Variants in XNDC1N observed in about 807,000 individuals in gnomAD.
XNDC1N encodes the protein protein XNDC1N.
At chr11:71,892,889 G>T in the XNDC1N span, among the ~76,000 whole-genome samples, 6,774 of 152,044 alleles carry the variant, frequency 0.045, 523 homozygotes, top group African/African-American at 0.16. Flanking sequence ...CTTTTATGAA[G>T]AAATGATGTC....
At chr11:71,888,476 C>G in the XNDC1N span, among the ~76,000 whole-genome samples, 1 of 152,142 alleles carries the variant, frequency 6.6e-6, no homozygotes, top group Admixed American at 6.5e-5. Context: ...TAAAGGAAAA[C>G]CTCTGGCAGC....
chr11:71,898,134 C>A, the XNDC1N span, among the ~76,000 whole-genome samples: 4 of 150,972 alleles, frequency 2.6e-5, no homozygotes, highest in South Asian at 2.1e-4. Flanking sequence ...GAGTGAGCCC[C>A]GATTGTGCCA....
chr11:71,893,512 C>T, the XNDC1N span: 1 of 787,356 alleles, frequency 1.3e-6, no homozygotes, highest in Non-Finnish European at 2.3e-6. Flanking sequence ...CCTCCTGGGA[C>T]TCTCAGAGGA....
the XNDC1N span, among the ~76,000 whole-genome samples, chr11:71,900,736 C>A: frequency 7.2e-5 from 11 of 152,328 alleles, no homozygotes; most frequent in African/African-American, 2.6e-4. Flanking sequence ...TCCTAAAGGC[C>A]AGGCTCTGAG....
At chr11:71,904,649 G>A in the XNDC1N span, among the ~76,000 whole-genome samples, 8 of 151,994 alleles carry the variant, frequency 5.3e-5, no homozygotes, top group South Asian at 2.1e-4. Flanking sequence ...GACCTTTTGC[G>A]CACACTTTGT....
At chr11:71,893,497 T>G in the XNDC1N span, 2 of 763,720 alleles carry the variant, frequency 2.6e-6, no homozygotes, top group Non-Finnish European at 4.8e-6. Context: ...TGTCTGAGAA[T>G]TCCTCCTCCT....
At chr11:71,916,070 A>G in the XNDC1N span, 1 of 702,006 alleles carries the variant, frequency 1.4e-6, no homozygotes, top group East Asian at 2.7e-5. Flanking sequence ...ATCATCATAC[A>G]TACCTTGTTC....
the XNDC1N span, among the ~76,000 whole-genome samples, chr11:71,914,081 C>T: frequency 1.6e-4 from 25 of 152,308 alleles, no homozygotes; most frequent in African/African-American, 4.6e-4. Context: ...TTCATGCCTA[C>T]GAACGTAACA....
chr11:71,918,923 T>C, the XNDC1N span: 1 of 702,992 alleles, frequency 1.4e-6, no homozygotes, highest in African/African-American at 1.7e-5. Flanking sequence ...CCTCTCCAGC[T>C]GTAGTTCTAC....
chr11:71,910,679 G>A, the XNDC1N span, among the ~76,000 whole-genome samples: 8 of 152,176 alleles, frequency 5.3e-5, no homozygotes, highest in Non-Finnish European at 8.8e-5. Context: ...TACGTTACCT[G>A]GGATTTACTA....
chr11:71,927,973 C>G, the XNDC1N span: 2 of 156,166 alleles, frequency 1.3e-5, no homozygotes, highest in South Asian at 3.5e-4. Context: ...CAGACAGATC[C>G]AGGCGGACGC....
the XNDC1N span, among the ~76,000 whole-genome samples, chr11:71,866,505 G>A: frequency 6.6e-6 from 1 of 152,172 alleles, no homozygotes; most frequent in Non-Finnish European, 1.5e-5. Flanking sequence ...AGGCAGGCTG[G>A]ACACAGTGGC....
the XNDC1N span, chr11:71,916,456 T>C: frequency 3.6e-6 from 2 of 561,726 alleles, no homozygotes; most frequent in South Asian, 4.5e-5. Flanking sequence ...CTTCTCATAT[T>C]CAGTCTCTTG....
the XNDC1N span, among the ~76,000 whole-genome samples, chr11:71,910,017 G>A: frequency 1.2e-3 from 188 of 152,298 alleles, no homozygotes; most frequent in African/African-American, 3.8e-3. Flanking sequence ...ACAACTCTCC[G>A]GGATTGGCCA....
At chr11:71,871,759 G>C in the XNDC1N span, among the ~76,000 whole-genome samples, 2 of 152,120 alleles carry the variant, frequency 1.3e-5, no homozygotes, top group African/African-American at 4.8e-5. Context: ...CAGATGAAAA[G>C]ATTATCAGAA....
At chr11:71,922,368 T>C in the XNDC1N span, among the ~76,000 whole-genome samples, 1 of 152,194 alleles carries the variant, frequency 6.6e-6, no homozygotes, top group Non-Finnish European at 1.5e-5. Context: ...AGTGGCACAA[T>C]CATGGCTCAC....
At chr11:71,914,374 T>A in the XNDC1N span, 1 of 456,158 alleles carries the variant, frequency 2.2e-6, no homozygotes, top group South Asian at 1.5e-5. Context: ...GGAAATTAAC[T>A]GCAGATGTGA....
the XNDC1N span, among the ~76,000 whole-genome samples, chr11:71,895,002 C>T: frequency 1.3e-5 from 2 of 152,222 alleles, no homozygotes; most frequent in Admixed American, 1.3e-4. Flanking sequence ...AGATCCATGT[C>T]GCCATTCTTC....
At chr11:71,917,215 T>A in the XNDC1N span, 1 of 564,640 alleles carries the variant, frequency 1.8e-6, no homozygotes, top group Non-Finnish European at 3.2e-6. Context: ...GATTTCACCA[T>A]GCTGGCCAGG....
Sources: gnomAD v4.1 joint callset for allele counts (sites outside exome capture counted in the v4.1 genomes callset) on GRCh38, gnomAD v4.1.1 for gene constraint, MANE v1.5 for transcripts, NCBI Gene and HGNC (gene_info 2026-07-23, HGNC 2026-07-21) for gene names.